PNKD: variants seen among roughly 807,000 people sequenced by gnomAD.
PNKD encodes the protein PNKD metallo-beta-lactamase domain containing, also known as probable thioesterase PNKD.
In PNKD, 36 loss-of-function variants were observed where a neutral mutation model predicts 45.3. That is an observed-to-expected ratio of 0.80 (90% CI 0.61 to 1.05). PNKD has a LOEUF of 1.05. Ranked by LOEUF, PNKD falls within the 50% of genes least tolerant of loss-of-function variation. The probability of loss-of-function intolerance (pLI) is 0.00; values close to 1 mark genes in which losing one functional copy is unlikely to be tolerated. For missense variants in PNKD, 511 were observed against 506.6 expected, an observed-to-expected ratio of 1.01 and a Z score of -0.08; for synonymous variants, 197 against 210.1, an observed-to-expected ratio of 0.94 and a Z score of 0.54.
At chr2:218,278,365 C>T in intron 2 of PNKD, 1 of 798,414 alleles carries the variant, frequency 1.3e-6, no homozygotes, top group Non-Finnish European at 2.1e-6. Context: ...CCTTTGTATA[C>T]ACCTGAACAG....
chr2:218,275,835 TAGC>T (rs763907412), intron 2 of PNKD, among the ~76,000 whole-genome samples: 3 of 152,208 alleles, frequency 2.0e-5, no homozygotes, highest in Non-Finnish European at 4.4e-5. Context: ...AGTGTTCTAA[TAGC>T]AGGCAGCTTG....
intron 2 of PNKD, among the ~76,000 whole-genome samples, chr2:218,274,033 C>A (rs1480655437): frequency 6.6e-6 from 1 of 152,156 alleles, no homozygotes; most frequent in East Asian, 1.9e-4. Flanking sequence ...CTTTCCCCAC[C>A]CAACTCCTGA....
At chr2:218,279,140 C>A in intron 2 of PNKD, 1 of 1,610,548 alleles carries the variant, frequency 6.2e-7, no homozygotes, top group Non-Finnish European at 8.5e-7. Flanking sequence ...CTTGTCTGCC[C>A]CACCCAGGCC....
chr2:218,278,049 G>C (rs1691427560), intron 2 of PNKD: 7 of 1,556,780 alleles, frequency 4.5e-6, no homozygotes, highest in Middle Eastern at 3.4e-4. Context: ...GCAGAAGGAA[G>C]CGCTTGGCTC....
chr2:218,278,561 C>A (rs183015933), intron 2 of PNKD: 16 of 1,614,156 alleles, frequency 9.9e-6, no homozygotes, highest in Admixed American at 3.3e-5. Context: ...ACAACGAAGA[C>A]AGCACTAGGG....
At chr2:218,296,293 A>G (rs1693137890) in intron 2 of PNKD, among the ~76,000 whole-genome samples, 1 of 152,210 alleles carries the variant, frequency 6.6e-6, no homozygotes. Context: ...CTAGGAGGAA[A>G]GTGGAGTCAA....
In PNKD at chr2:218,312,565, T is replaced by TAA. The variant is rs5838691; in HGVS notation, c.237-27203_237-27202dup. On this transcript the variant is annotated intron_variant, in intron 2 of 9. Transcript: ENST00000273077. ...CAGGATCTGCCACACCCATGTTGTT[T>TAA]AAAAAAAAAAAAAAAAGAAAACCTG... 7.7e-3 allele frequency among the ~76,000 whole-genome samples: 1,096 copies of TAA among 141,428 alleles called. 10 individuals carry two copies. The highest frequency in any genetic ancestry group is 0.018 in the African/African-American group (687 of 38,296). 92.8% of individuals were successfully genotyped at this position (141,428 alleles called of 152,430 possible).
intron 2 of PNKD, among the ~76,000 whole-genome samples, chr2:218,301,368 T>C (rs1693262278): frequency 6.6e-6 from 1 of 152,186 alleles, no homozygotes; most frequent in Non-Finnish European, 1.5e-5. Flanking sequence ...CAGTACTTTC[T>C]GCTGCGTTCC....
At chr2:218,342,655 G>A (rs1183803694) in intron 7 of PNKD, among the ~76,000 whole-genome samples, 5 of 152,088 alleles carry the variant, frequency 3.3e-5, no homozygotes, top group East Asian at 1.9e-4. Context: ...AGCTGAGATC[G>A]CGCCACTGCA....
At chr2:218,316,138 A>C (rs1276387639) in intron 2 of PNKD, among the ~76,000 whole-genome samples, 1 of 152,224 alleles carries the variant, frequency 6.6e-6, no homozygotes, top group Non-Finnish European at 1.5e-5. Context: ...GAGATGAATA[A>C]CTGGAAACTG....
At chr2:218,293,876 G>A (rs1263165190) in intron 2 of PNKD, among the ~76,000 whole-genome samples, 1 of 140,890 alleles carries the variant, frequency 7.1e-6, no homozygotes, top group African/African-American at 2.7e-5. Flanking sequence ...GCCTCCCAAA[G>A]TGCTAGGATT....
chr2:218,292,483 G>A (rs896676140), intron 2 of PNKD: 2 of 152,220 alleles, frequency 1.3e-5, no homozygotes, highest in African/African-American at 2.4e-5. Flanking sequence ...GTTCCAGACG[G>A]AGCGTTCCTG....
At chr2:218,336,839 C>T (rs2106289642) in intron 2 of PNKD, among the ~76,000 whole-genome samples, 1 of 130,768 alleles carries the variant, frequency 7.6e-6, no homozygotes, top group East Asian at 2.4e-4. Flanking sequence ...TCTTGTTGCC[C>T]AGGCTGGAGT....
Position 218,344,584 on chromosome 2 carries a change from G to T in PNKD, c.984+14G>T. 1 of 1,584,144 alleles carries T rather than the reference G, an allele frequency of 6.3e-7. No homozygotes were observed. The highest frequency in any genetic ancestry group is 1.1e-5 in the South Asian group (1 of 89,236). On this transcript the variant is annotated intron_variant, in intron 9 of 9. Coordinates refer to ENST00000273077, the MANE Select transcript of PNKD (RefSeq NM_015488.5). The stretch of plus-strand genomic sequence containing the variant: ...CGCAAGGGCACGGTGAGGGACTCGG[G>T]GTCCAGGAGGAGCTGTGTGGGCAGG...
chr2:218,288,416 G>C (rs1336440622), intron 2 of PNKD, among the ~76,000 whole-genome samples: 3 of 152,178 alleles, frequency 2.0e-5, no homozygotes, highest in African/African-American at 7.2e-5. Context: ...GCAACAGAGG[G>C]AGACTCTGTC....
At chr2:218,306,527 G>C (rs1344937011) in intron 2 of PNKD, among the ~76,000 whole-genome samples, 4 of 152,192 alleles carry the variant, frequency 2.6e-5, no homozygotes, top group Admixed American at 1.3e-4. Flanking sequence ...CCTCCGAGTA[G>C]CTCCATGCAA....
chr2:218,327,751 T>G (rs1694195392), intron 2 of PNKD: 1 of 152,890 alleles, frequency 6.5e-6, no homozygotes, highest in East Asian at 1.9e-4. Context: ...TGTCCTGCCT[T>G]CCTTCCTCCC....
intron 2 of PNKD, chr2:218,275,738 A>C: frequency 2.4e-6 from 3 of 1,263,878 alleles, no homozygotes; most frequent in Non-Finnish European, 3.3e-6. Flanking sequence ...GGCCACATTA[A>C]CGCACAGCAT....
chr2:218,344,901 C>G lies in PNKD; in HGVS notation c.1078C>G (p.Pro360Ala). 1.2e-6 allele frequency: 2 copies of G among 1,614,008 alleles called. No homozygotes were observed. The highest frequency in any genetic ancestry group is 1.1e-5 in the South Asian group (1 of 91,082). ...GGAGGCTCTGGGGCCGGGGCCGGGC[C>G]CCACTGGGGATGATGACTACTCCCG... ...LQEALGPGPG[P>A]TGDDDYSRAQ... Residue 360 changes from proline (P) to alanine (A), a missense_variant, in exon 10 of 10, where the codon CCC becomes GCC. Pro to Ala is a conservative substitution (Grantham distance 27). Transcript: ENST00000273077.
Sources: allele counts gnomAD v4.1 joint callset (sites outside exome capture counted in the v4.1 genomes callset), GRCh38; gene constraint gnomAD v4.1.1; transcripts MANE v1.5; gene names NCBI Gene and HGNC (gene_info 2026-07-23, HGNC 2026-07-21).